Variants in TMEM132D observed in about 807,000 individuals in gnomAD.
The protein encoded by TMEM132D is mature OL transmembrane protein.
A neutral mutation model predicts 62.3 loss-of-function variants in TMEM132D; 21 were observed. The observed-to-expected ratio is 0.34, with a 90% CI of 0.24 to 0.49. TMEM132D has a LOEUF of 0.49. TMEM132D is among the 20% of genes least tolerant of loss of function. TMEM132D has a pLI of 0.99. For synonymous variants in TMEM132D, 621 were observed against 575.6 expected, an observed-to-expected ratio of 1.08 and a Z score of -1.13; for missense variants, 1,346 against 1,402.8, an observed-to-expected ratio of 0.96 and a Z score of 0.65.
chr12:129,722,519 G>A (rs551390087), intron 1 of TMEM132D, among the ~76,000 whole-genome samples: 74 of 152,214 alleles, frequency 4.9e-4, no homozygotes, highest in African/African-American at 1.7e-3. Flanking sequence ...TCTGTCTCTG[G>A]ATTGGGATTC....
At chr12:129,095,475 C>T (rs768930215) in intron 5 of TMEM132D, among the ~76,000 whole-genome samples, 2 of 151,830 alleles carry the variant, frequency 1.3e-5, no homozygotes, top group Non-Finnish European at 2.9e-5. Flanking sequence ...CTGCCTCAGC[C>T]TCCCAAGTAG....
chr12:129,851,422 G>C (rs1873536483), intron 1 of TMEM132D, among the ~76,000 whole-genome samples: 1 of 151,956 alleles, frequency 6.6e-6, no homozygotes, highest in African/African-American at 2.4e-5. Context: ...TTACCACAAG[G>C]TGCCACAATG....
At chr12:129,843,344 T>A (rs1334809108) in intron 1 of TMEM132D, among the ~76,000 whole-genome samples, 1 of 152,218 alleles carries the variant, frequency 6.6e-6, no homozygotes, top group Non-Finnish European at 1.5e-5. Context: ...TATAAATACG[T>A]TGTCAAATAT....
chr12:129,745,429 G>T (rs1237971866), intron 1 of TMEM132D, among the ~76,000 whole-genome samples: 5 of 152,128 alleles, frequency 3.3e-5, no homozygotes, highest in African/African-American at 7.2e-5. Context: ...TGCCTACCAG[G>T]TCATCTGGTT....
intron 3 of TMEM132D, among the ~76,000 whole-genome samples, chr12:129,341,543 G>T (rs1452228386): frequency 2.0e-5 from 3 of 152,204 alleles, no homozygotes; most frequent in African/African-American, 4.8e-5. Flanking sequence ...GCTGGCCCTT[G>T]CTGGGCAGCA....
intron 3 of TMEM132D, among the ~76,000 whole-genome samples, chr12:129,344,368 G>A (rs1869613401): frequency 6.6e-6 from 1 of 152,150 alleles, no homozygotes; most frequent in African/African-American, 2.4e-5. Context: ...TGATACTGAA[G>A]AGGCCCCCGC....
chr12:129,727,384 G>A (rs763136215), intron 1 of TMEM132D, among the ~76,000 whole-genome samples: 3 of 152,160 alleles, frequency 2.0e-5, no homozygotes, highest in East Asian at 1.9e-4. Flanking sequence ...TAAGGAGCCC[G>A]TTCCCAAGAT....
At chr12:129,859,660 G>A (rs1566011031) in intron 1 of TMEM132D, among the ~76,000 whole-genome samples, 1 of 152,192 alleles carries the variant, frequency 6.6e-6, no homozygotes, top group South Asian at 2.1e-4. Flanking sequence ...CAGGCAAAGA[G>A]GGTGGGATAA....
At chr12:129,697,814 C>T (rs546010437) in intron 2 of TMEM132D, among the ~76,000 whole-genome samples, 72 of 152,130 alleles carry the variant, frequency 4.7e-4, no homozygotes, top group Middle Eastern at 3.2e-3. Context: ...AAAAGCCACC[C>T]TTGGACCCTA....
chr12:129,774,111 C>CA (rs978051618), intron 1 of TMEM132D, among the ~76,000 whole-genome samples: 19 of 152,286 alleles, frequency 1.2e-4, no homozygotes, highest in African/African-American at 4.3e-4. Flanking sequence ...TATCTGTTTT[C>CA]AGTTCTGTGG....
chr12:129,367,096 C>G (rs1332072963), intron 3 of TMEM132D, among the ~76,000 whole-genome samples: 2 of 152,190 alleles, frequency 1.3e-5, no homozygotes, highest in Admixed American at 6.5e-5. Flanking sequence ...CAGGGTGGCC[C>G]ATTTGACGGA....
At chr12:129,182,868 C>T (rs566351943) in intron 5 of TMEM132D, among the ~76,000 whole-genome samples, 2 of 152,308 alleles carry the variant, frequency 1.3e-5, no homozygotes, top group Non-Finnish European at 2.9e-5. Context: ...TATGATTTCT[C>T]AGGATCACGT....
At chr12:129,720,648 T>C (rs966626675) in intron 1 of TMEM132D, among the ~76,000 whole-genome samples, 7 of 152,128 alleles carry the variant, frequency 4.6e-5, no homozygotes, top group Non-Finnish European at 7.3e-5. Context: ...GCTGCAGATG[T>C]ACCTCCTACA....
intron 4 of TMEM132D, among the ~76,000 whole-genome samples, chr12:129,306,226 T>C (rs1367199581): frequency 1.3e-5 from 2 of 152,228 alleles, no homozygotes; most frequent in Non-Finnish European, 2.9e-5. Context: ...TGTAGTTATG[T>C]CTATTTTCAC....
At position 129,367,766 on chromosome 12, in the gene TMEM132D, CCATTT is replaced by C. The variant is rs1169240337; in HGVS notation, c.1116-29954_1116-29950del. 4.8e-5 allele frequency among the ~76,000 whole-genome samples: 7 copies of C among 145,502 alleles called. No individual in the cohort carries two copies. In the East Asian group the frequency reaches 8.2e-4, roughly 17 times the overall value. On this transcript the variant is annotated intron_variant, in intron 3 of 8. Transcript: ENST00000422113. ...TAGGTTAAGGAAGCTCTTTCTTTTTCCATTTCTTTTCTTTTTTTTTTTTTTTTTCG... is the reference window on the plus strand; with the variant it reads ...TAGGTTAAGGAAGCTCTTTCTTTTTCCTTTTCTTTTTTTTTTTTTTTTTCG...
At chr12:129,481,072 G>A (rs1299385748) in intron 3 of TMEM132D, among the ~76,000 whole-genome samples, 1 of 152,054 alleles carries the variant, frequency 6.6e-6, no homozygotes, top group Non-Finnish European at 1.5e-5. Flanking sequence ...AGGGCCACAT[G>A]AGAAAAGGAG....
At chr12:129,761,385 G>A (rs1035369436) in intron 1 of TMEM132D, among the ~76,000 whole-genome samples, 5 of 152,102 alleles carry the variant, frequency 3.3e-5, no homozygotes, top group Admixed American at 1.3e-4. Flanking sequence ...GCCACTAAGC[G>A]CCTGGAACTG....
intron 2 of TMEM132D, among the ~76,000 whole-genome samples, chr12:129,579,478 A>G (rs1227527696): frequency 6.6e-6 from 1 of 152,208 alleles, no homozygotes; most frequent in Non-Finnish European, 1.5e-5. Context: ...CTGAGTCCCA[A>G]AGCCTCAAAA....
chr12:129,832,495 C>A (rs1872873483), intron 1 of TMEM132D, among the ~76,000 whole-genome samples: 1 of 152,058 alleles, frequency 6.6e-6, no homozygotes, highest in Non-Finnish European at 1.5e-5. Flanking sequence ...AACCATGGAG[C>A]CTGTTTGTTT....
Sources: allele counts gnomAD v4.1 joint callset (sites outside exome capture counted in the v4.1 genomes callset), GRCh38; gene constraint gnomAD v4.1.1; transcripts MANE v1.5; gene names NCBI Gene and HGNC (gene_info 2026-07-23, HGNC 2026-07-21).